The following SSH1 variants were observed in gnomAD, a reference collection of about 807,000 sequenced individuals.
SSH1 encodes the protein protein phosphatase Slingshot homolog 1.
In SSH1, 43 loss-of-function variants were observed where a neutral mutation model predicts 79.7. The observed-to-expected ratio is 0.54, with a 90% CI of 0.42 to 0.70. The LOEUF is 0.70. SSH1 is among the 30% of genes least tolerant of loss of function. The pLI is 0.00. For missense variants in SSH1, 1,206 were observed against 1,358.8 expected (o/e 0.89, Z 1.77); for synonymous variants, 599 against 538.3 (o/e 1.11, Z -1.56).
At chr12:108,812,782 G>T (rs1242712307) in intron 5 of SSH1, among the ~76,000 whole-genome samples, 2 of 152,190 alleles carry the variant, frequency 1.3e-5, no homozygotes, top group East Asian at 3.9e-4. Context: ...TGTTACTTTT[G>T]TGAGTTTCCA....
chr12:108,847,432 T>G (rs1434115600), intron 2 of SSH1, among the ~76,000 whole-genome samples: 1 of 152,188 alleles, frequency 6.6e-6, no homozygotes, highest in African/African-American at 2.4e-5. Context: ...TACTGCAGGG[T>G]CAAAGGTTCA....
intron 11 of SSH1, 84 bp from the exon 12 acceptor site, chr12:108,801,010 G>T: frequency 7.1e-7 from 1 of 1,401,544 alleles, no homozygotes; most frequent in South Asian, 1.2e-5. Flanking sequence ...GCAGAGAAAA[G>T]AAAAGGAAAC....
chr12:108,824,626 C>CAT (rs1289078527), intron 2 of SSH1, among the ~76,000 whole-genome samples: 1 of 152,070 alleles, frequency 6.6e-6, no homozygotes, highest in African/African-American at 2.4e-5. Flanking sequence ...CTAGCAATAA[C>CAT]ATTTATAACT....
At chr12:108,852,722 CA>C (rs2039068875) in intron 1 of SSH1, 44 bp from the exon 2 acceptor site, 1 of 1,613,594 alleles carries the variant, frequency 6.2e-7, no homozygotes, top group Non-Finnish European at 8.5e-7. Flanking sequence ...GCACCACTGT[CA>C]ACACGCCTCG....
intron 2 of SSH1, chr12:108,826,295 G>C (rs1420825676): frequency 2.6e-6 from 1 of 380,262 alleles, no homozygotes; most frequent in Admixed American, 3.7e-5. Flanking sequence ...TTCCTACACT[G>C]ATAAGAATCA....
chr12:108,795,292 CTG>C (rs1439841809), intron 13 of SSH1, among the ~76,000 whole-genome samples: 1 of 151,974 alleles, frequency 6.6e-6, no homozygotes, highest in East Asian at 1.9e-4. Flanking sequence ...AAGTCTCACT[CTG>C]TCACCCAGGC....
At chr12:108,826,460 G>A (rs535493064) in intron 2 of SSH1, 11 of 219,168 alleles carry the variant, frequency 5.0e-5, no homozygotes, top group East Asian at 2.7e-4. Flanking sequence ...GCATTATCCC[G>A]AAGCTGTGAG....
At chr12:108,818,383 GCTGA>G in intron 3 of SSH1, 70 bp from the exon 4 acceptor site, 7 of 1,424,638 alleles carry the variant, frequency 4.9e-6, no homozygotes, top group Non-Finnish European at 6.9e-6. Flanking sequence ...CCTCTGAAAG[GCTGA>G]CTTTGAGGGC....
rs762973525 is a variant in SSH1, at chr12:108,807,788, G to A, written c.576C>T (p.Ala192=). 1.2e-6 allele frequency: 2 copies of A among 1,613,810 alleles called. No individual in the cohort carries two copies. The highest frequency in any genetic ancestry group is 1.3e-5 in the African/African-American group (1 of 74,856). The change falls in exon 8 of 15, where the codon GCC becomes GCT. Residue 192 remains alanine (A), a synonymous_variant. Transcript: ENST00000326495. This position sits in a 1 kb window ranked among gnomAD's most constrained non-coding sequence, Gnocchi z 5.2. ...LQVLHKACEV[A]RRHNYFPGGV... is the part of the protein sequence containing the mutation. ...CCCCGGGGAAGTAGTTGTGCCTCCGGGCCACTTCGCAGGCCTTGTGAAGCA... is the reference window on the plus strand; with the variant it reads ...CCCCGGGGAAGTAGTTGTGCCTCCGAGCCACTTCGCAGGCCTTGTGAAGCA...
chr12:108,792,825 G>A lies in SSH1; in HGVS notation c.1354C>T (p.Gln452Ter). The A allele has an allele frequency of 6.2e-7, 1 of 1,613,474 alleles. No individual in the cohort carries two copies. The highest frequency in any genetic ancestry group is 8.5e-7 in the Non-Finnish European group (1 of 1,180,024). The change falls in exon 14 of 15, where the codon CAG (glutamine) becomes TAG (stop). Residue 452 changes from glutamine (Q) to a stop codon, truncating the protein, a stop_gained. Coordinates refer to ENST00000326495, the MANE Select transcript of SSH1 (RefSeq NM_018984.4). LOFTEE classifies it high-confidence loss of function. The part of the protein sequence containing the change: ...EYEGILDASK[Q>*]RHNKLWRQQT... Reference sequence around the variant, plus strand: ...TGACGCCACAGCTTGTTGTGCCGCTGTTTGCTGCGGGGAGAGAGGGTAGAG... The same window carrying A: ...TGACGCCACAGCTTGTTGTGCCGCTATTTGCTGCGGGGAGAGAGGGTAGAG...
intron 8 of SSH1, among the ~76,000 whole-genome samples, 182 bp from the exon 9 acceptor site, chr12:108,806,576 A>G (rs2037286957): frequency 6.6e-6 from 1 of 152,136 alleles, no homozygotes; most frequent in Non-Finnish European, 1.5e-5. Context: ...GCAGCTCTAG[A>G]ACTCCCACGG....
intron 1 of SSH1, chr12:108,852,945 T>G: frequency 1.0e-6 from 1 of 985,438 alleles, no homozygotes; most frequent in Non-Finnish European, 1.2e-6. Context: ...ACATTTCCTA[T>G]CTGGTGTTGT....
rs1391007497 is a variant in SSH1 at position 108,788,512 on chromosome 12, G to C, written c.2626C>G (p.Gln876Glu). 25 of 1,560,450 alleles carry C rather than the reference G, an allele frequency of 1.6e-5. No individual in the cohort carries two copies. Among genetic ancestry groups the C allele is most frequent in the Non-Finnish European group, 2.0e-5 (23 of 1,154,826 alleles). Residue 876 changes from glutamine to glutamate, a missense_variant, in exon 15 of 15, where the codon CAG becomes GAG. By Grantham distance (29) the Gln-to-Glu change is conservative. Coordinates refer to ENST00000326495, the MANE Select transcript of SSH1 (RefSeq NM_018984.4). ...HELGPLVMPS[Q>E]AGSDEKSEAA... ...TCTGACTTCTCATCACTCCCGGCCT[G>C]GCTGGGCATAACCAGGGGGCCCAGC... is the stretch of plus-strand genomic sequence containing the variant.
At chr12:108,857,000 C>G (rs1301386043) in intron 1 of SSH1, among the ~76,000 whole-genome samples, 3 of 152,228 alleles carry the variant, frequency 2.0e-5, no homozygotes, top group Admixed American at 2.0e-4. Flanking sequence ...AGTCCCCACA[C>G]AATCACGAGG....
At chr12:108,842,337 GGGCA>G (rs2038797687) in intron 2 of SSH1, among the ~76,000 whole-genome samples, 1 of 152,210 alleles carries the variant, frequency 6.6e-6, no homozygotes, top group Non-Finnish European at 1.5e-5. Context: ...ACAGGGGTTA[GGGCA>G]GGACTCAGGT....
In SSH1 at chr12:108,852,673, C is replaced by G; in HGVS notation, c.75G>C (p.Glu25Asp). ...ASSSASNSEL[E>D]AGSEEDRKLN... ...ATTTTCGATCTTCTTCGCTGCCAGC[C>G]TCCAACTACAGAGAAAGAAAGAGAA... Residue 25 changes from glutamate to aspartate, a missense_variant, in exon 2 of 15, where the codon GAG becomes GAC. By Grantham distance (45) the Glu-to-Asp change is conservative (BLOSUM62 2). Coordinates refer to ENST00000326495, the MANE Select transcript of SSH1 (RefSeq NM_018984.4). The G allele has an allele frequency of 1.2e-6, 2 of 1,614,132 alleles. No individual in the cohort carries two copies. Among genetic ancestry groups the G allele is most frequent in the Non-Finnish European group, 1.7e-6 (2 of 1,180,030 alleles).
intron 10 of SSH1, 31 bp downstream of exon 10, chr12:108,805,025 A>T (rs1339715729): frequency 1.9e-6 from 3 of 1,613,358 alleles, no homozygotes; most frequent in East Asian, 4.5e-5. Context: ...ATGTCCCCCA[A>T]ACCAGATACT....
chr12:108,848,188 AGGTGTTCCTCTGTGAC>A (rs979601388), intron 2 of SSH1, among the ~76,000 whole-genome samples: 1 of 152,098 alleles, frequency 6.6e-6, no homozygotes, highest in Admixed American at 6.5e-5. Context: ...GATGGGTCTG[AGGTGTTCCTCTGTGAC>A]GGGACAGAAG....
chr12:108,788,553 G>T lies in SSH1; in HGVS notation c.2585C>A (p.Pro862Gln). ...GGGGCCCAGCTCGTGGAGCGCGGCT[G>T]GATCCTGGCTCTCCTCGGGGATGCT... ...EASIPEESQD[P>Q]AALHELGPLV... The change falls in exon 15 of 15, where the codon CCA becomes CAA. Residue 862 changes from proline to glutamine, a missense_variant. Transcript: ENST00000326495. 1 of 1,586,422 alleles carries T rather than the reference G, an allele frequency of 6.3e-7. No individual in the cohort carries two copies. Among genetic ancestry groups the T allele is most frequent in the East Asian group, 2.2e-5 (1 of 44,546 alleles).
Sources: allele counts gnomAD v4.1 joint callset (sites outside exome capture counted in the v4.1 genomes callset), GRCh38; gene constraint gnomAD v4.1.1; non-coding constraint Gnocchi (gnomAD v3.1); transcripts MANE v1.5; gene names NCBI Gene and HGNC (gene_info 2026-07-23, HGNC 2026-07-21).